The following ARFGAP3 variants were observed in gnomAD, a reference collection of about 807,000 sequenced individuals.
ARFGAP3 encodes ADP-ribosylation factor GTPase-activating protein 3.
Under a neutral mutation model 75.0 loss-of-function variants are expected in ARFGAP3, and 72 were observed. The observed-to-expected ratio is 0.96, with a 90% CI of 0.79 to 1.17. The LOEUF is 1.17. Ranked by LOEUF, ARFGAP3 falls within the 50% of genes most tolerant of loss-of-function variation. ARFGAP3 has a pLI of 0.00. For synonymous variants in ARFGAP3, 221 were observed against 217.9 expected, an observed-to-expected ratio of 1.01 and a Z score of -0.13; for missense variants, 620 against 626.6, an observed-to-expected ratio of 0.99 and a Z score of 0.11.
At chr22:42,846,878 G>T (rs1387020835) in intron 2 of ARFGAP3, among the ~76,000 whole-genome samples, 1 of 152,140 alleles carries the variant, frequency 6.6e-6, no homozygotes, top group Non-Finnish European at 1.5e-5. Context: ...CCTGAAACTG[G>T]GTAATTTATA....
intron 9 of ARFGAP3, among the ~76,000 whole-genome samples, chr22:42,821,409 C>T (rs1243722962): frequency 6.6e-6 from 1 of 152,208 alleles, no homozygotes; most frequent in African/African-American, 2.4e-5. Context: ...CAGGCCCTGG[C>T]AACCAGTAAG....
chr22:42,813,450 A>C (rs1925455794), intron 11 of ARFGAP3, among the ~76,000 whole-genome samples: 1 of 152,186 alleles, frequency 6.6e-6, no homozygotes, highest in Admixed American at 6.5e-5. Context: ...CTGTGATACT[A>C]AATTTTGTAG....
intron 14 of ARFGAP3, among the ~76,000 whole-genome samples, chr22:42,802,123 G>A (rs1924888497): frequency 6.6e-6 from 1 of 152,104 alleles, no homozygotes; most frequent in African/African-American, 2.4e-5. Flanking sequence ...AGAGTGAGGA[G>A]AGGGGTGAGC....
chr22:42,817,646 G>T, intron 10 of ARFGAP3, 83 bp downstream of exon 10: 1 of 1,137,834 alleles, frequency 8.8e-7, no homozygotes, highest in South Asian at 1.5e-5. Flanking sequence ...CTCTAAAGTT[G>T]AAACTAACAC....
At chr22:42,802,304 G>A (rs79641892) in intron 14 of ARFGAP3, among the ~76,000 whole-genome samples, 1 of 143,220 alleles carries the variant, frequency 7.0e-6, no homozygotes, top group African/African-American at 2.6e-5. Context: ...TTTTTTTTTT[G>A]AGACAGAGTC....
At position 42,796,858 on chromosome 22, in the gene ARFGAP3, T is replaced by G. The variant is rs1473374372; in HGVS notation, c.*730A>C. On this transcript the variant is annotated 3_prime_UTR_variant, in exon 16 of 16. Transcript: ENST00000263245. ...TCCACTTTAACTCTGTATACCGTAT[T>G]GATTTGTGATGAGATGATTTATTAT... 2 of 152,222 alleles carry G rather than the reference T, an allele frequency of 1.3e-5. No homozygotes were observed. The highest frequency in any genetic ancestry group is 2.4e-5 in the African/African-American group (1 of 41,448). 9.4% of individuals were successfully genotyped at this position (152,222 alleles called of 1,614,324 possible).
intron 11 of ARFGAP3, among the ~76,000 whole-genome samples, chr22:42,815,205 C>G (rs1925524188): frequency 6.6e-6 from 1 of 152,206 alleles, no homozygotes; most frequent in Non-Finnish European, 1.5e-5. Context: ...CTGAAATGAT[C>G]TGACACGTAT....
intron 11 of ARFGAP3, 84 bp from the exon 12 acceptor site, chr22:42,811,028 G>A: frequency 6.5e-7 from 1 of 1,548,122 alleles, no homozygotes; most frequent in South Asian, 1.2e-5. Context: ...AGATGTGGGG[G>A]ATGCCTCCTT....
intron 11 of ARFGAP3, among the ~76,000 whole-genome samples, chr22:42,815,409 C>T (rs1470022619): frequency 6.7e-6 from 1 of 149,674 alleles, no homozygotes; most frequent in Non-Finnish European, 1.5e-5. Flanking sequence ...CACTAAACTA[C>T]TACTTTTTTT....
rs182103568 is a variant in ARFGAP3 at position 42,806,199 on chromosome 22, G to A, written c.1411+874C>T. ...CATCCCTCCCCTTGGCTCTCCTGCT[G>A]ATAAATGGCTTCCTGAAATGACCTC... On this transcript the variant is annotated intron_variant, in intron 14 of 15. Transcript: ENST00000263245. 4.5e-3 allele frequency among the ~76,000 whole-genome samples: 684 copies of A among 152,234 alleles called. 22 individuals carry two copies. The highest frequency in any genetic ancestry group is 1.1e-3 in the Non-Finnish European group (76 of 68,020).
intron 8 of ARFGAP3, among the ~76,000 whole-genome samples, chr22:42,823,394 A>T (rs771696044): frequency 1.3e-5 from 2 of 152,046 alleles, no homozygotes; most frequent in Non-Finnish European, 2.9e-5. Context: ...GCAGGAGACA[A>T]ATTCCCAGGG....
intron 2 of ARFGAP3, among the ~76,000 whole-genome samples, chr22:42,846,720 C>T (rs915229748): frequency 9.2e-5 from 14 of 152,242 alleles, no homozygotes; most frequent in African/African-American, 3.4e-4. Flanking sequence ...GAGAGTGTCT[C>T]ATCATTGACA....
intron 12 of ARFGAP3, among the ~76,000 whole-genome samples, chr22:42,809,256 C>T (rs538081320): frequency 1.3e-5 from 2 of 152,306 alleles, no homozygotes; most frequent in African/African-American, 2.4e-5. Context: ...TTTCAAGTCA[C>T]ACCTGTTGTC....
intron 3 of ARFGAP3, among the ~76,000 whole-genome samples, chr22:42,839,736 TTC>T (rs1221110141): frequency 3.3e-5 from 5 of 152,104 alleles, no homozygotes; most frequent in Non-Finnish European, 7.3e-5. Context: ...AGCCTCCAGT[TTC>T]TCTGTACCCT....
At chr22:42,797,726 A>G in intron 15 of ARFGAP3, 121 bp from the exon 16 acceptor site, 2 of 1,601,310 alleles carry the variant, frequency 1.2e-6, no homozygotes, top group Non-Finnish European at 1.7e-6. Flanking sequence ...TGTGACATGG[A>G]CGCTGCACCC....
intron 9 of ARFGAP3, among the ~76,000 whole-genome samples, chr22:42,820,405 T>C (rs544896891): frequency 3.9e-5 from 6 of 152,284 alleles, no homozygotes; most frequent in Middle Eastern, 3.4e-3. Flanking sequence ...GAGAAACAAC[T>C]ATCAACTTCA....
chr22:42,841,178 G>C (rs1292287733), intron 2 of ARFGAP3, 162 bp from the exon 3 acceptor site: 30 of 921,540 alleles, frequency 3.3e-5, no homozygotes, highest in East Asian at 1.2e-4. Context: ...CTCCAGAGTG[G>C]ATGATGGTTG....
rs578189962 is a variant in ARFGAP3, at chr22:42,841,213, C to A, written c.189-197G>T. The A allele has an allele frequency of 4.8e-4, 262 of 546,132 alleles. 1 individual carries two copies. The highest frequency in any genetic ancestry group is 4.6e-3 in the African/African-American group (225 of 48,854). 33.8% of individuals were successfully genotyped at this position (546,132 alleles called of 1,614,324 possible). ...GGCGTGAGCAACCCCTGGCTCCTCT[C>A]GTCCTTCCTGGAATGCAGGGCACAG... On this transcript the variant is annotated intron_variant, in intron 2 of 15. Coordinates refer to ENST00000263245, the MANE Select transcript of ARFGAP3 (RefSeq NM_014570.5).
At chr22:42,801,602 C>T (rs942211931) in intron 14 of ARFGAP3, among the ~76,000 whole-genome samples, 11 of 152,234 alleles carry the variant, frequency 7.2e-5, no homozygotes, top group African/African-American at 2.7e-4. Flanking sequence ...CAGCCTGGCA[C>T]TGGCCATGGG....
Sources: allele counts gnomAD v4.1 joint callset (sites outside exome capture counted in the v4.1 genomes callset), GRCh38; gene constraint gnomAD v4.1.1; transcripts MANE v1.5; gene names NCBI Gene and HGNC (gene_info 2026-07-23, HGNC 2026-07-21).